ESRRG: variants seen among roughly 807,000 people sequenced by gnomAD.
The protein encoded by ESRRG is estrogen related receptor gamma, also known as estrogen-related receptor gamma.
A neutral mutation model predicts 44.0 loss-of-function variants in ESRRG; 13 were observed. That is an observed-to-expected ratio of 0.30 (90% confidence interval 0.19 to 0.47). ESRRG has a LOEUF of 0.47. ESRRG is among the 20% of genes least tolerant of loss of function. The pLI, the probability that ESRRG is intolerant of heterozygous loss-of-function variation, is 1.00. For missense variants in ESRRG, 395 were observed against 580.6 expected, an observed-to-expected ratio of 0.68 and a Z score of 3.29; for synonymous variants, 215 against 214.6, an observed-to-expected ratio of 1.00 and a Z score of -0.02.
chr1:216,646,990 A>G (rs369632343), intron 3 of ESRRG, among the ~76,000 whole-genome samples: 1 of 152,298 alleles, frequency 6.6e-6, no homozygotes, highest in East Asian at 1.9e-4. Context: ...TCCTTTGATC[A>G]GTGAATTCTA....
chr1:216,916,446 T>C (rs2061176938), intron 2 of ESRRG, among the ~76,000 whole-genome samples: 1 of 152,244 alleles, frequency 6.6e-6, no homozygotes, highest in South Asian at 2.1e-4. Context: ...CATCCGTTAT[T>C]AGTTTGATAA....
At chr1:216,571,260 T>A (rs893362828) in intron 3 of ESRRG, among the ~76,000 whole-genome samples, 2 of 152,086 alleles carry the variant, frequency 1.3e-5, no homozygotes, top group African/African-American at 4.8e-5. Flanking sequence ...CTGGCCAACA[T>A]GGCGAGAACC....
At chr1:216,644,694 C>T (rs1297993359) in intron 3 of ESRRG, among the ~76,000 whole-genome samples, 1 of 152,086 alleles carries the variant, frequency 6.6e-6, no homozygotes, top group Non-Finnish European at 1.5e-5. Context: ...ACCTTGGCCT[C>T]CCAAAGTGCT....
chr1:217,057,460 C>T (rs2087367869), intron 1 of ESRRG, among the ~76,000 whole-genome samples: 1 of 152,036 alleles, frequency 6.6e-6, no homozygotes, highest in African/African-American at 2.4e-5. Context: ...AAGCTGTTAC[C>T]TATAATTTCA....
At chr1:216,598,438 T>C (rs1212156838) in intron 3 of ESRRG, among the ~76,000 whole-genome samples, 1 of 152,170 alleles carries the variant, frequency 6.6e-6, no homozygotes, top group Non-Finnish European at 1.5e-5. Context: ...CAAAAATCGC[T>C]GAAAGAAATT....
intron 3 of ESRRG, among the ~76,000 whole-genome samples, chr1:216,595,833 T>G (rs556905981): frequency 1.3e-5 from 2 of 152,302 alleles, no homozygotes; most frequent in South Asian, 4.1e-4. Context: ...TCAATAGCAT[T>G]TTTTTTCCAC....
At chr1:216,830,583 A>T (rs1344873) in intron 2 of ESRRG, among the ~76,000 whole-genome samples, 1 of 151,914 alleles carries the variant, frequency 6.6e-6, no homozygotes, top group Non-Finnish European at 1.5e-5. Context: ...GGGCTCTCGG[A>T]AGCCTCAGAA....
At chr1:216,568,529 G>C (rs1573167835) in intron 3 of ESRRG, among the ~76,000 whole-genome samples, 1 of 152,190 alleles carries the variant, frequency 6.6e-6, no homozygotes, top group Admixed American at 6.5e-5. Flanking sequence ...TCTGCCAGAG[G>C]CCTCAGGATG....
In ESRRG at chr1:216,793,555, T is replaced by A. The variant is rs78676011; in HGVS notation, c.-13-116064A>T. 1.5e-3 allele frequency among the ~76,000 whole-genome samples: 223 copies of A among 152,210 alleles called. 6 individuals are homozygous for A. The East Asian group carries it at 0.042, about 28-fold the overall frequency. On this transcript the variant is annotated intron_variant, in intron 2 of 7. Transcript: ENST00000359162. ...GTGGATTCCCCTGCCCTGTCATATC[T>A]TCAGATGACTGCAGCCCTGCCCAAC...
chr1:217,126,355 T>C (rs1188569427), intron 1 of ESRRG, among the ~76,000 whole-genome samples: 1 of 152,198 alleles, frequency 6.6e-6, no homozygotes. Flanking sequence ...CAACATTCTA[T>C]AATATTAAAC....
intron 1 of ESRRG, among the ~76,000 whole-genome samples, chr1:216,698,270 C>A (rs934659402): frequency 1.3e-5 from 2 of 152,102 alleles, no homozygotes; most frequent in Non-Finnish European, 2.9e-5. Context: ...GTAATCCCAG[C>A]ACTTTGGGAG....
At chr1:216,583,735 A>C (rs1388640222) in intron 3 of ESRRG, among the ~76,000 whole-genome samples, 1 of 152,206 alleles carries the variant, frequency 6.6e-6, no homozygotes, top group Non-Finnish European at 1.5e-5. Context: ...TTTACAAAGG[A>C]ATGAGGTTTA....
intron 2 of ESRRG, among the ~76,000 whole-genome samples, chr1:216,840,575 CCTGTCT>C (rs2095636740): frequency 6.6e-6 from 1 of 152,146 alleles, no homozygotes; most frequent in African/African-American, 2.4e-5. Flanking sequence ...TAGCTTTTGG[CCTGTCT>C]CAGCTTTCGA....
At chr1:216,897,364 A>G (rs2058548478) in intron 2 of ESRRG, among the ~76,000 whole-genome samples, 1 of 152,216 alleles carries the variant, frequency 6.6e-6, no homozygotes, top group Non-Finnish European at 1.5e-5. Flanking sequence ...TAAGATTCAG[A>G]GTCCTGAGCC....
chr1:216,820,670 C>T (rs897351276), intron 2 of ESRRG, among the ~76,000 whole-genome samples: 1 of 152,212 alleles, frequency 6.6e-6, no homozygotes, highest in Non-Finnish European at 1.5e-5. Context: ...GTATATCCAG[C>T]CTTTGGCTAA....
chr1:216,851,735 T>C (rs2095846122), intron 2 of ESRRG, among the ~76,000 whole-genome samples: 1 of 152,196 alleles, frequency 6.6e-6, no homozygotes, highest in African/African-American at 2.4e-5. Flanking sequence ...AAGACACTAC[T>C]GTTGGCTGCT....
intron 2 of ESRRG, among the ~76,000 whole-genome samples, chr1:216,830,270 G>A (rs1169078965): frequency 1.3e-5 from 2 of 152,200 alleles, no homozygotes; most frequent in Admixed American, 6.5e-5. Context: ...TGAGGCCACG[G>A]AGGAACAATT....
At chr1:216,528,382 C>T (rs990724886) in intron 5 of ESRRG, among the ~76,000 whole-genome samples, 8 of 152,172 alleles carry the variant, frequency 5.3e-5, no homozygotes, top group African/African-American at 1.9e-4. Flanking sequence ...GGACTAGCTG[C>T]TTCTCTTATA....
At chr1:216,779,443 A>ATATTTATAAATATAAATATAAATAT (rs1416434090) in intron 2 of ESRRG, among the ~76,000 whole-genome samples, 2 of 5,418 alleles carry the variant, frequency 3.7e-4, no homozygotes, top group African/African-American at 8.9e-4. Context: ...TATAAAAATA[A>ATATTTATAAATATAAATATAAATAT]ATATTTATAA....
Sources: gnomAD v4.1 joint callset for allele counts (sites outside exome capture counted in the v4.1 genomes callset) on GRCh38, gnomAD v4.1.1 for gene constraint, MANE v1.5 for transcripts, NCBI Gene and HGNC (gene_info 2026-07-23, HGNC 2026-07-21) for gene names.